IMMP2L: variants seen among roughly 807,000 people sequenced by gnomAD.
IMMP2L encodes inner mitochondrial membrane peptidase subunit 2.
Under a neutral mutation model 19.3 loss-of-function variants are expected in IMMP2L, and 18 were observed. The observed-to-expected ratio is 0.93, with a 90% confidence interval of 0.64 to 1.38. The LOEUF is 1.38. Ranked by LOEUF, IMMP2L falls within the 40% of genes most tolerant of loss-of-function variation. IMMP2L has a pLI of 0.00. For synonymous variants in IMMP2L, 76 were observed against 73.0 expected (o/e 1.04, Z -0.21); for missense variants, 233 against 218.2 (o/e 1.07, Z -0.43).
chr7:111,384,414 C>T (rs1322865550), intron 3 of IMMP2L, among the ~76,000 whole-genome samples: 1 of 152,008 alleles, frequency 6.6e-6, no homozygotes, highest in Non-Finnish European at 1.5e-5. Context: ...CTGAATTCAG[C>T]TTTGTATCTC....
chr7:110,923,193 G>T (rs1020123249), intron 4 of IMMP2L, among the ~76,000 whole-genome samples: 1 of 152,156 alleles, frequency 6.6e-6, no homozygotes, highest in African/African-American at 2.4e-5. Context: ...TTTCAGTGAT[G>T]AAGAAACAAT....
chr7:111,255,751 T>C (rs1562972725), intron 3 of IMMP2L, among the ~76,000 whole-genome samples: 1 of 152,104 alleles, frequency 6.6e-6, no homozygotes, highest in Non-Finnish European at 1.5e-5. Context: ...CCAAATCTCA[T>C]GCTTTAGTTA....
At chr7:111,331,583 A>T (rs1825880311) in intron 3 of IMMP2L, among the ~76,000 whole-genome samples, 1 of 151,950 alleles carries the variant, frequency 6.6e-6, no homozygotes, top group East Asian at 1.9e-4. Flanking sequence ...CCACAAAAAA[A>T]GGTATTTGAG....
At chr7:110,704,806 C>T (rs1214864137) in intron 5 of IMMP2L, among the ~76,000 whole-genome samples, 1 of 152,104 alleles carries the variant, frequency 6.6e-6, no homozygotes, top group Non-Finnish European at 1.5e-5. Flanking sequence ...CTTAATTACC[C>T]AGTTGGGAGG....
intron 5 of IMMP2L, among the ~76,000 whole-genome samples, chr7:110,743,986 C>A (rs550014118): frequency 1.1e-3 from 168 of 152,282 alleles, no homozygotes; most frequent in Non-Finnish European, 2.2e-3. Flanking sequence ...AGATGGAGCT[C>A]AGCAAGCTAA....
chr7:111,233,312 A>C (rs1051837832), intron 3 of IMMP2L, among the ~76,000 whole-genome samples: 2 of 152,124 alleles, frequency 1.3e-5, no homozygotes, highest in Non-Finnish European at 2.9e-5. Flanking sequence ...AATAAATGTG[A>C]TCTCATTTTT....
intron 3 of IMMP2L, among the ~76,000 whole-genome samples, chr7:111,217,543 T>C (rs1812083678): frequency 6.6e-6 from 1 of 152,078 alleles, no homozygotes; most frequent in Non-Finnish European, 1.5e-5. Context: ...GAAACTAGGA[T>C]ATACTGTAAG....
chr7:111,424,974 T>C (rs1835925635), intron 3 of IMMP2L, among the ~76,000 whole-genome samples: 1 of 151,798 alleles, frequency 6.6e-6, no homozygotes, highest in African/African-American at 2.4e-5. Context: ...TGTGTACTTC[T>C]GACATTCCTC....
chr7:111,157,802 C>T (rs568176264), intron 3 of IMMP2L, among the ~76,000 whole-genome samples: 2 of 152,116 alleles, frequency 1.3e-5, no homozygotes, highest in East Asian at 1.9e-4. Flanking sequence ...GTGATTATTA[C>T]ACATTGTATA....
intron 3 of IMMP2L, among the ~76,000 whole-genome samples, chr7:111,286,601 G>T (rs1820511544): frequency 6.6e-6 from 1 of 152,094 alleles, no homozygotes; most frequent in African/African-American, 2.4e-5. Context: ...GGACAAAGTG[G>T]CATAGAGTTT....
intron 4 of IMMP2L, among the ~76,000 whole-genome samples, chr7:110,901,558 C>G (rs1252052741): frequency 6.6e-6 from 1 of 152,098 alleles, no homozygotes; most frequent in Non-Finnish European, 1.5e-5. Context: ...GTCTAAAAAC[C>G]AAACCGATGA....
chr7:110,778,260 T>C (rs919483797), intron 5 of IMMP2L, among the ~76,000 whole-genome samples: 2 of 151,966 alleles, frequency 1.3e-5, no homozygotes, highest in Non-Finnish European at 2.9e-5. Context: ...TTTTTACATA[T>C]GTGACCAAAT....
intron 3 of IMMP2L, among the ~76,000 whole-genome samples, chr7:111,392,424 C>T (rs1214461278): frequency 6.6e-6 from 1 of 152,144 alleles, no homozygotes; most frequent in Non-Finnish European, 1.5e-5. Flanking sequence ...TTAGCTACAA[C>T]TGAACACACT....
At chr7:111,027,850 C>T (rs558425322) in intron 3 of IMMP2L, among the ~76,000 whole-genome samples, 5 of 151,914 alleles carry the variant, frequency 3.3e-5, no homozygotes, top group African/African-American at 4.8e-5. Context: ...CAGAATAGGA[C>T]GAAATCTAAA....
chr7:110,948,904 C>A (rs908712525), intron 4 of IMMP2L, among the ~76,000 whole-genome samples: 4 of 152,168 alleles, frequency 2.6e-5, no homozygotes, highest in Non-Finnish European at 5.9e-5. Context: ...AATTTCCTCT[C>A]TCTCCTAGAG....
chr7:111,039,195 T>C (rs540944489), intron 3 of IMMP2L, among the ~76,000 whole-genome samples: 25 of 152,318 alleles, frequency 1.6e-4, no homozygotes, highest in Middle Eastern at 6.8e-3. Context: ...ATTCAAAACA[T>C]GTATTTTGAT....
Position 111,417,501 on chromosome 7 carries a change from A to T in IMMP2L, c.239+69737T>A, listed in dbSNP as rs539172202. 2.6e-5 allele frequency among the ~76,000 whole-genome samples: 4 copies of T among 151,962 alleles called. No individual in the cohort carries two copies. In the South Asian group the frequency reaches 8.3e-4, roughly 32 times the overall value. On this transcript the variant is annotated intron_variant, in intron 3 of 5. Coordinates refer to ENST00000405709, the MANE Select transcript of IMMP2L (RefSeq NM_032549.4). The stretch of plus-strand genomic sequence containing the variant: ...GTATAGGAATGGCTTCTAGGAATAC[A>T]TCCCTTTCCCAACTGTGCTAACTCA...
rs911291399 is a variant in IMMP2L, at chr7:110,663,357, G to T, written c.*245C>A. 6 of 361,736 alleles carry T rather than the reference G, an allele frequency of 1.7e-5. No homozygotes were observed. The highest frequency in any genetic ancestry group is 1.3e-4 in the African/African-American group (6 of 46,330). The allele number at this position is 361,736 out of a possible 1,614,324, so 22.4% of individuals were successfully genotyped here. A position where few individuals can be genotyped will look rare whatever the true frequency, so the allele number is the denominator to read the frequency against. ...GGTGCAATATTTTTATATTCCCAAA[G>T]GTCTGCATATTTTGGGGGCATTAAA... On this transcript the variant is annotated 3_prime_UTR_variant, in exon 6 of 6. Transcript: ENST00000405709.
intron 3 of IMMP2L, among the ~76,000 whole-genome samples, chr7:111,035,193 A>C (rs777253062): frequency 2.0e-5 from 3 of 152,178 alleles, no homozygotes; most frequent in Non-Finnish European, 4.4e-5. Context: ...TTACTACTTC[A>C]TTCTGCATTT....
Sources: allele counts gnomAD v4.1 joint callset (sites outside exome capture counted in the v4.1 genomes callset), GRCh38; gene constraint gnomAD v4.1.1; transcripts MANE v1.5; gene names NCBI Gene and HGNC (gene_info 2026-07-23, HGNC 2026-07-21).